Variants in IL1R1 observed in about 807,000 individuals in gnomAD.
IL1R1 encodes interleukin 1 receptor type 1.
Under a neutral mutation model 50.2 loss-of-function variants are expected in IL1R1, and 22 were observed. The observed-to-expected ratio is 0.44, with a 90% CI of 0.31 to 0.63. The LOEUF (loss-of-function observed/expected upper bound fraction) is 0.63, where lower values mean the gene tolerates loss of function less well. Among genes scored for constraint, IL1R1 ranks in the 20% least tolerant of loss-of-function variants. The pLI, the probability that IL1R1 is intolerant of heterozygous loss-of-function variation, is 0.07. For synonymous variants in IL1R1, 251 were observed against 236.7 expected (o/e 1.06, Z -0.55); for missense variants, 509 against 676.2 (o/e 0.75, Z 2.74).
At chr2:102,172,901 A>G (rs895387295) in intron 9 of IL1R1, 63 bp downstream of exon 9, 120 of 1,183,934 alleles carry the variant, frequency 1.0e-4, no homozygotes, top group Non-Finnish European at 2.1e-5. Flanking sequence ...ATGACTTTGA[A>G]GTTTGAAATG....
At chr2:102,090,485 G>A (rs1400473140) in intron 1 of IL1R1, among the ~76,000 whole-genome samples, 1 of 151,664 alleles carries the variant, frequency 6.6e-6, no homozygotes, top group Non-Finnish European at 1.5e-5. Flanking sequence ...TATCTCTTAC[G>A]CTCTTTTTAT....
chr2:102,144,102 C>T (rs1461553222), intron 1 of IL1R1, among the ~76,000 whole-genome samples: 4 of 152,168 alleles, frequency 2.6e-5, no homozygotes, highest in Non-Finnish European at 4.4e-5. Context: ...GTTTACCAAG[C>T]GGCTATTGGC....
Position 102,096,875 on chromosome 2 carries a change from C to CT in IL1R1, c.-84+26358dup, listed in dbSNP as rs11300476. 1.2e-3 allele frequency among the ~76,000 whole-genome samples: 172 copies of CT among 137,854 alleles called. 2 individuals carry two copies. Among genetic ancestry groups the CT allele is most frequent in the South Asian group, 2.3e-3 (10 of 4,370 alleles). 90.4% of individuals were successfully genotyped at this position (137,854 alleles called of 152,430 possible). On this transcript the variant is annotated intron_variant, in intron 1 of 11. Coordinates refer to the IL1R1 transcript ENST00000409929. Reference sequence around the variant, plus strand: ...AGTATGAGATTCATCTGAAGTGGATCTTTTTTTTTTTTTTTTCTGCATGGG... The same window carrying CT: ...AGTATGAGATTCATCTGAAGTGGATCTTTTTTTTTTTTTTTTTCTGCATGGG...
Position 102,177,085 on chromosome 2 carries a change from G to T in IL1R1, c.*326G>T. On this transcript the variant is annotated 3_prime_UTR_variant, in exon 12 of 12. Coordinates refer to ENST00000410023, the MANE Select transcript of IL1R1 (RefSeq NM_000877.4). ...GTTCGAGACCAGCCCAGCCAACATGGCAAAACCCCATCTCTACTAAAAATA... is the reference window on the plus strand; with the variant it reads ...GTTCGAGACCAGCCCAGCCAACATGTCAAAACCCCATCTCTACTAAAAATA... 2 of 247,098 alleles carry T rather than the reference G, an allele frequency of 8.1e-6. No homozygotes were observed. Among genetic ancestry groups the T allele is most frequent in the South Asian group, 6.2e-5 (1 of 16,160 alleles). 15.3% of individuals were successfully genotyped at this position (247,098 alleles called of 1,614,324 possible). A position where few individuals can be genotyped will look rare whatever the true frequency, so the allele number is the denominator to read the frequency against.
intron 1 of IL1R1, among the ~76,000 whole-genome samples, chr2:102,092,552 C>A (rs917456915): frequency 6.6e-6 from 1 of 152,052 alleles, no homozygotes; most frequent in Non-Finnish European, 1.5e-5. Context: ...TAAACCAATT[C>A]TTTTTGGGAT....
chr2:102,078,414 A>G (rs1386419702), intron 1 of IL1R1, among the ~76,000 whole-genome samples: 1 of 152,130 alleles, frequency 6.6e-6, no homozygotes, highest in African/African-American at 2.4e-5. Context: ...AGGGAATACT[A>G]CGAAAAAATT....
intron 1 of IL1R1, among the ~76,000 whole-genome samples, chr2:102,145,198 G>A (rs899081620): frequency 1.3e-5 from 2 of 152,204 alleles, no homozygotes; most frequent in Non-Finnish European, 2.9e-5. Flanking sequence ...ACCTGCCATG[G>A]CACAGCTCCA....
At chr2:102,119,760 AAC>A (rs1681303824) in intron 1 of IL1R1, among the ~76,000 whole-genome samples, 1 of 152,228 alleles carries the variant, frequency 6.6e-6, no homozygotes, top group Non-Finnish European at 1.5e-5. Context: ...CAATCAAGCT[AAC>A]ACATTCATCA....
At chr2:102,106,344 G>C (rs369213135) in intron 1 of IL1R1, among the ~76,000 whole-genome samples, 7 of 152,152 alleles carry the variant, frequency 4.6e-5, no homozygotes, top group African/African-American at 1.7e-4. Flanking sequence ...TGTCCAGAAA[G>C]AGCCAAGAAA....
At chr2:102,102,593 A>G (rs1435193560), upstream of IL1R1, among the ~76,000 whole-genome samples, 6 of 152,176 alleles carry the variant, frequency 3.9e-5, no homozygotes, top group East Asian at 9.6e-4. Flanking sequence ...TATGAAAAGC[A>G]GTTTGGTGAT....
intron 1 of IL1R1, among the ~76,000 whole-genome samples, chr2:102,148,308 G>A (rs1000565989): frequency 6.6e-6 from 1 of 152,154 alleles, no homozygotes; most frequent in Non-Finnish European, 1.5e-5. Context: ...ATCATTAGGG[G>A]TAGGTCACTC....
intron 1 of IL1R1, among the ~76,000 whole-genome samples, chr2:102,078,854 G>T (rs1173714735): frequency 2.0e-5 from 3 of 152,014 alleles, no homozygotes; most frequent in African/African-American, 7.2e-5. Flanking sequence ...CAAAACACTG[G>T]ACATGAAATA....
At chr2:102,104,772 G>A (rs1320121728) in exon 1 of IL1R1, 1 of 152,166 alleles carries the variant, frequency 6.6e-6, no homozygotes. Flanking sequence ...AGCTCAGCAG[G>A]CTTCATTTGG....
At chr2:102,162,489 T>G (rs1283077231) in intron 3 of IL1R1, among the ~76,000 whole-genome samples, 1 of 152,180 alleles carries the variant, frequency 6.6e-6, no homozygotes, top group African/African-American at 2.4e-5. Flanking sequence ...TTCTCTTTTT[T>G]TGCTGCCTTT....
intron 1 of IL1R1, among the ~76,000 whole-genome samples, chr2:102,108,214 G>GTT (rs1680528990): frequency 6.7e-6 from 1 of 148,896 alleles, no homozygotes. Flanking sequence ...GGAAGTGTGT[G>GTT]TGTGTGTGTA....
chr2:102,101,822 T>C (rs1198417826), upstream of IL1R1, among the ~76,000 whole-genome samples: 1 of 152,238 alleles, frequency 6.6e-6, no homozygotes, highest in Non-Finnish European at 1.5e-5. Flanking sequence ...GGGAATTCTA[T>C]ACTTTAGCAT....
intron 1 of IL1R1, among the ~76,000 whole-genome samples, chr2:102,130,427 A>T (rs1328522240): frequency 2.0e-5 from 3 of 152,072 alleles, no homozygotes; most frequent in Non-Finnish European, 4.4e-5. Flanking sequence ...AGTAGATTTG[A>T]TCTTTAGCTG....
chr2:102,114,901 G>A (rs1680979952), intron 1 of IL1R1, among the ~76,000 whole-genome samples: 1 of 152,192 alleles, frequency 6.6e-6, no homozygotes, highest in African/African-American at 2.4e-5. Flanking sequence ...GTGAATGTAA[G>A]CCCCTGGAGT....
At chr2:102,118,316 C>T (rs180941215) in intron 1 of IL1R1, among the ~76,000 whole-genome samples, 13 of 152,258 alleles carry the variant, frequency 8.5e-5, no homozygotes, top group Admixed American at 2.0e-4. Flanking sequence ...GGCAAGGAAG[C>T]GCACTTCCCC....
Sources: allele counts gnomAD v4.1 joint callset (sites outside exome capture counted in the v4.1 genomes callset), GRCh38; gene constraint gnomAD v4.1.1; transcripts MANE v1.5; gene names NCBI Gene and HGNC (gene_info 2026-07-23, HGNC 2026-07-21).